FUT9: variants seen among roughly 807,000 people sequenced by gnomAD.
FUT9 encodes the protein 4-galactosyl-N-acetylglucosaminide 3-alpha-L-fucosyltransferase 9.
Under a neutral mutation model 29.7 loss-of-function variants are expected in FUT9, and 15 were observed. That is an observed-to-expected ratio of 0.51 (90% confidence interval 0.34 to 0.78). FUT9 has a LOEUF of 0.78. Ranked by LOEUF, FUT9 falls within the 30% of genes least tolerant of loss-of-function variation. The pLI, the probability that FUT9 is intolerant of heterozygous loss-of-function variation, is 0.01. For missense variants in FUT9, 319 were observed against 425.4 expected, an observed-to-expected ratio of 0.75 and a Z score of 2.20; for synonymous variants, 169 against 153.7, an observed-to-expected ratio of 1.10 and a Z score of -0.74.
chr6:96,134,565 C>T (rs989473485), intron 2 of FUT9, among the ~76,000 whole-genome samples: 1 of 151,830 alleles, frequency 6.6e-6, no homozygotes, highest in African/African-American at 2.4e-5. Flanking sequence ...TAAAAGTAAT[C>T]ACCAATTACT....
intron 1 of FUT9, among the ~76,000 whole-genome samples, chr6:96,085,397 T>C (rs76700714): frequency 0.026 from 3,945 of 152,316 alleles, 194 homozygotes; most frequent in African/African-American, 0.09. Context: ...AGAGACTAGC[T>C]AGCTCTTTGT....
At chr6:96,094,229 T>C (rs928727831) in intron 1 of FUT9, among the ~76,000 whole-genome samples, 2 of 152,172 alleles carry the variant, frequency 1.3e-5, no homozygotes, top group Non-Finnish European at 2.9e-5. Context: ...CTGAGTAGCA[T>C]GATGAAATCT....
At chr6:96,045,276 A>C (rs1023698988) in intron 1 of FUT9, among the ~76,000 whole-genome samples, 1 of 152,242 alleles carries the variant, frequency 6.6e-6, no homozygotes, top group Non-Finnish European at 1.5e-5. Flanking sequence ...AGACCAGAAG[A>C]AAGAAAAGTG....
intron 1 of FUT9, among the ~76,000 whole-genome samples, chr6:96,034,881 G>GT (rs2127928634): frequency 6.6e-6 from 1 of 151,858 alleles, no homozygotes; most frequent in East Asian, 1.9e-4. Flanking sequence ...AGAAAGATCA[G>GT]TTTTGGAACA....
At position 96,203,833 on chromosome 6, in the gene FUT9, C is replaced by T. The variant is rs147593239; in HGVS notation, c.678C>T (p.Val226=). 2.2e-4 allele frequency: 361 copies of T among 1,610,792 alleles called. 1 individual carries two copies. The Middle Eastern group carries it at 4.9e-3, about 22-fold the overall frequency. ...HTYGQAFGEY[V]NDKNLIPTIS... The stretch of plus-strand genomic sequence containing the variant: ...ACGGGCAAGCATTTGGAGAATATGT[C>T]AATGATAAAAATTTGATTCCTACCA... The change falls in exon 3 of 3, where the codon GTC becomes GTT. Residue 226 remains valine (V), a synonymous_variant. Coordinates refer to ENST00000302103, the MANE Select transcript of FUT9 (RefSeq NM_006581.4).
At chr6:96,087,990 A>C (rs1266781604) in intron 1 of FUT9, among the ~76,000 whole-genome samples, 1 of 152,166 alleles carries the variant, frequency 6.6e-6, no homozygotes, top group Non-Finnish European at 1.5e-5. Context: ...CTGGCTATGC[A>C]ATTCTGTTTT....
rs1053767463 is a variant in FUT9, at chr6:96,186,744, G to A, written c.-8-16404G>A. On this transcript the variant is annotated intron_variant, in intron 2 of 2. Coordinates refer to ENST00000302103, the MANE Select transcript of FUT9 (RefSeq NM_006581.4). ...GTGTCAATTCCATTTCAGATCTAAG[G>A]GCTGAGAACCAGGAAACCTGAGGAC... Among the ~76,000 whole-genome samples the A allele has an allele frequency of 9.2e-5, 14 of 152,150 alleles. 1 individual carries two copies. Among genetic ancestry groups the A allele is most frequent in the Admixed American group, 5.2e-4 (8 of 15,252 alleles).
At chr6:96,086,231 TC>T (rs1257780118) in intron 1 of FUT9, among the ~76,000 whole-genome samples, 1 of 152,206 alleles carries the variant, frequency 6.6e-6, no homozygotes, top group East Asian at 1.9e-4. Context: ...TTTTCAGATT[TC>T]CAATTTTGAA....
chr6:96,032,278 G>T (rs1190973837), intron 1 of FUT9, among the ~76,000 whole-genome samples: 1 of 151,622 alleles, frequency 6.6e-6, no homozygotes, highest in East Asian at 1.9e-4. Context: ...AGGAAGCTCA[G>T]TGTCAACTTT....
intron 2 of FUT9, among the ~76,000 whole-genome samples, chr6:96,120,250 C>T (rs1299299457): frequency 1.4e-5 from 2 of 147,316 alleles, no homozygotes; most frequent in African/African-American, 4.9e-5. Flanking sequence ...TTATAAGACC[C>T]ACTTTTTCTT....
chr6:96,062,247 A>G lies in FUT9; in HGVS notation c.-98+46035A>G, dbSNP rs565426745. 2.6e-5 allele frequency among the ~76,000 whole-genome samples: 4 copies of G among 152,192 alleles called. No individual in the cohort carries two copies. The East Asian group carries it at 7.7e-4, about 29-fold the overall frequency. ...ATAAAATATTTAAAGCTAGAAAGTA[A>G]CAAATAGAAATCAAAATAGTAATAT... On this transcript the variant is annotated intron_variant, in intron 1 of 2. Coordinates refer to ENST00000302103, the MANE Select transcript of FUT9 (RefSeq NM_006581.4).
At chr6:96,165,313 C>A (rs1353018021) in intron 2 of FUT9, among the ~76,000 whole-genome samples, 1 of 151,782 alleles carries the variant, frequency 6.6e-6, no homozygotes, top group Non-Finnish European at 1.5e-5. Context: ...CACCTGTAAT[C>A]CCAGCTATTC....
At chr6:96,087,425 G>A (rs536861269) in intron 1 of FUT9, among the ~76,000 whole-genome samples, 4 of 145,852 alleles carry the variant, frequency 2.7e-5, no homozygotes, top group Non-Finnish European at 6.0e-5. Flanking sequence ...GGAGTGCAGT[G>A]GCATGATCTC....
intron 2 of FUT9, among the ~76,000 whole-genome samples, chr6:96,126,373 G>A (rs1280323510): frequency 5.9e-5 from 9 of 152,098 alleles, no homozygotes; most frequent in Admixed American, 4.6e-4. Context: ...CAGCTCTAGA[G>A]CAAGAAGTCA....
chr6:96,171,290 C>T (rs1368516695), intron 2 of FUT9, among the ~76,000 whole-genome samples: 1 of 152,190 alleles, frequency 6.6e-6, no homozygotes, highest in Middle Eastern at 3.2e-3. Flanking sequence ...ATTAACTGCC[C>T]TGCTCTTCTG....
At chr6:96,089,501 G>A (rs1326318916) in intron 1 of FUT9, among the ~76,000 whole-genome samples, 1 of 152,174 alleles carries the variant, frequency 6.6e-6, no homozygotes, top group Non-Finnish European at 1.5e-5. Flanking sequence ...ATTGTTGTTT[G>A]ATGTATTTGC....
At chr6:96,047,514 ACACTTAAAAACCAAAATTT>A (rs1770584612) in intron 1 of FUT9, among the ~76,000 whole-genome samples, 1 of 152,196 alleles carries the variant, frequency 6.6e-6, no homozygotes, top group South Asian at 2.1e-4. Flanking sequence ...CTTACTTCAT[ACACTTAAAAACCAAAATTT>A]TGGTTTTGTT....
intron 1 of FUT9, among the ~76,000 whole-genome samples, chr6:96,099,459 T>C (rs1771551373): frequency 6.6e-6 from 1 of 152,274 alleles, no homozygotes; most frequent in East Asian, 1.9e-4. Context: ...TTTGTATTTC[T>C]TTTTAAAAGG....
At chr6:96,133,464 T>C (rs1407702602) in intron 2 of FUT9, among the ~76,000 whole-genome samples, 1 of 151,960 alleles carries the variant, frequency 6.6e-6, no homozygotes, top group Non-Finnish European at 1.5e-5. Context: ...ACAGATCTTA[T>C]AATTCAGCTA....
Sources: gnomAD v4.1 joint callset for allele counts (sites outside exome capture counted in the v4.1 genomes callset) on GRCh38, gnomAD v4.1.1 for gene constraint, MANE v1.5 for transcripts, NCBI Gene and HGNC (gene_info 2026-07-23, HGNC 2026-07-21) for gene names.